TRPM3: variants seen among roughly 807,000 people sequenced by gnomAD.
The protein encoded by TRPM3 is transient receptor potential cation channel subfamily M member 3.
In TRPM3, 77 loss-of-function variants were observed where a neutral mutation model predicts 181.2. That is an observed-to-expected ratio of 0.42 (90% CI 0.35 to 0.51). The LOEUF (loss-of-function observed/expected upper bound fraction) is 0.51, where lower values mean the gene tolerates loss of function less well. TRPM3 is among the 20% of genes least tolerant of loss of function. The pLI is 0.01. For missense variants in TRPM3, 1,759 were observed against 2,196.7 expected, an observed-to-expected ratio of 0.80 and a Z score of 3.98; for synonymous variants, 745 against 796.4, an observed-to-expected ratio of 0.94 and a Z score of 1.09.
At chr9:71,311,357 CTG>C (rs1365239488) in intron 1 of TRPM3, among the ~76,000 whole-genome samples, 5 of 152,056 alleles carry the variant, frequency 3.3e-5, no homozygotes, top group South Asian at 2.1e-4. Context: ...ACAGAAGAAA[CTG>C]TGAGTTTTAA....
chr9:70,627,433 C>A (rs950800147), intron 12 of TRPM3, among the ~76,000 whole-genome samples: 1 of 152,108 alleles, frequency 6.6e-6, no homozygotes, highest in East Asian at 1.9e-4. Context: ...CCACCATGCC[C>A]AGCTAATTTG....
chr9:70,980,441 A>G (rs2097353461), intron 1 of TRPM3, among the ~76,000 whole-genome samples: 1 of 152,024 alleles, frequency 6.6e-6, no homozygotes, highest in Non-Finnish European at 1.5e-5. Flanking sequence ...CTTTTCTCAG[A>G]TGGTTTCTGA....
chr9:71,387,104 T>C (rs966212545), intron 1 of TRPM3, among the ~76,000 whole-genome samples: 36 of 152,120 alleles, frequency 2.4e-4, no homozygotes, highest in African/African-American at 8.5e-4. Context: ...TATGAATAGA[T>C]CAATGATCTA....
At chr9:70,807,258 G>A (rs918622121) in intron 6 of TRPM3, among the ~76,000 whole-genome samples, 24 of 152,060 alleles carry the variant, frequency 1.6e-4, no homozygotes, top group Non-Finnish European at 1.0e-4. Context: ...CTGAGGCCAC[G>A]GTGCACTGGC....
At chr9:70,751,637 C>G (rs2076145891) in intron 8 of TRPM3, among the ~76,000 whole-genome samples, 1 of 152,046 alleles carries the variant, frequency 6.6e-6, no homozygotes, top group Non-Finnish European at 1.5e-5. Flanking sequence ...CAGAAAAGTA[C>G]AATGTCATTG....
intron 1 of TRPM3, among the ~76,000 whole-genome samples, chr9:71,444,611 T>C (rs953910641): frequency 1.4e-4 from 21 of 151,922 alleles, no homozygotes; most frequent in Admixed American, 1.4e-3. Flanking sequence ...TTTTAACAGC[T>C]CACTTTAAGG....
chr9:71,182,980 C>T (rs2077485045), intron 1 of TRPM3, among the ~76,000 whole-genome samples: 2 of 151,748 alleles, frequency 1.3e-5, no homozygotes, highest in South Asian at 2.1e-4. Context: ...ATTTTTAAAG[C>T]CCATCAGGGA....
intron 1 of TRPM3, among the ~76,000 whole-genome samples, chr9:71,425,630 C>A (rs188451969): frequency 3.2e-4 from 49 of 152,206 alleles, no homozygotes; most frequent in South Asian, 1.0e-3. Context: ...CCTCTCACTT[C>A]TTTTCTTTTG....
At chr9:71,074,293 A>G (rs950673191) in intron 1 of TRPM3, among the ~76,000 whole-genome samples, 1 of 152,202 alleles carries the variant, frequency 6.6e-6, no homozygotes, top group Admixed American at 6.5e-5. Flanking sequence ...TAAACCAGTT[A>G]CTAAGGAGAG....
At chr9:70,604,508 A>G (rs1357151884) in intron 19 of TRPM3, among the ~76,000 whole-genome samples, 1 of 152,180 alleles carries the variant, frequency 6.6e-6, no homozygotes, top group Non-Finnish European at 1.5e-5. Context: ...TGGTGTAGCA[A>G]AGAATAGACA....
intron 9 of TRPM3, among the ~76,000 whole-genome samples, chr9:70,673,550 T>A (rs1438382522): frequency 6.6e-6 from 1 of 152,194 alleles, no homozygotes; most frequent in Non-Finnish European, 1.5e-5. Context: ...CACTTTTATG[T>A]CTAAAATAGA....
intron 1 of TRPM3, among the ~76,000 whole-genome samples, chr9:71,015,751 C>A (rs769659930): frequency 4.3e-4 from 66 of 151,994 alleles, no homozygotes; most frequent in Non-Finnish European, 8.1e-4. Context: ...ACTCAACGAA[C>A]CAGAGTTCTT....
intron 19 of TRPM3, among the ~76,000 whole-genome samples, chr9:70,610,209 C>T (rs533955830): frequency 6.6e-6 from 1 of 152,192 alleles, no homozygotes; most frequent in African/African-American, 2.4e-5. Context: ...CCTCCACACT[C>T]TCCTCACTCC....
chr9:70,629,215 C>CGGGTGGCGGGGG (rs2065250202), intron 12 of TRPM3, among the ~76,000 whole-genome samples: 3 of 10,170 alleles, frequency 2.9e-4, no homozygotes, highest in Admixed American at 2.4e-3. Flanking sequence ...TGACCAGTGC[C>CGGGTGGCGGGGG]GGGGGGGGGG....
At chr9:70,652,802 G>C (rs2059756889) in intron 9 of TRPM3, among the ~76,000 whole-genome samples, 1 of 152,164 alleles carries the variant, frequency 6.6e-6, no homozygotes, top group African/African-American at 2.4e-5. Context: ...TGATTATTGG[G>C]GTTAGGAGAC....
At chr9:71,104,855 T>C (rs1213418418) in intron 1 of TRPM3, among the ~76,000 whole-genome samples, 2 of 152,198 alleles carry the variant, frequency 1.3e-5, no homozygotes, top group Non-Finnish European at 2.9e-5. Context: ...TGAGAATGTG[T>C]GACAACTGAA....
chr9:71,413,627 G>T (rs1452055273), intron 1 of TRPM3, among the ~76,000 whole-genome samples: 1 of 152,022 alleles, frequency 6.6e-6, no homozygotes, highest in African/African-American at 2.4e-5. Flanking sequence ...CAACAGTGTT[G>T]GGAGGTATTT....
Position 71,121,424 on chromosome 9 carries a change from A to G in TRPM3, c.-70T>C, listed in dbSNP as rs186349581. ...TTCCTGGAACTTGGAAGACTAGTCAAGTAGCCTTGCCTGAGCCCCTGAACC... is the reference window on the plus strand; with the variant it reads ...TTCCTGGAACTTGGAAGACTAGTCAGGTAGCCTTGCCTGAGCCCCTGAACC... On this transcript the variant is annotated 5_prime_UTR_variant, in exon 1 of 26. Coordinates refer to ENST00000677713, the MANE Select transcript of TRPM3 (RefSeq NM_001366145.2). The G allele has an allele frequency of 1.8e-4, 282 of 1,557,348 alleles. No individual in the cohort carries two copies. The highest frequency in any genetic ancestry group is 8.9e-4 in the Admixed American group (47 of 52,978).
intron 6 of TRPM3, among the ~76,000 whole-genome samples, chr9:70,796,226 A>G (rs1157785348): frequency 6.6e-6 from 1 of 152,238 alleles, no homozygotes; most frequent in Non-Finnish European, 1.5e-5. Context: ...GACAAAATTA[A>G]TAAGGAGCAA....
Sources: gnomAD v4.1 joint callset for allele counts (sites outside exome capture counted in the v4.1 genomes callset) on GRCh38, gnomAD v4.1.1 for gene constraint, MANE v1.5 for transcripts, NCBI Gene and HGNC (gene_info 2026-07-23, HGNC 2026-07-21) for gene names.